Variants in RGS6 observed in about 807,000 individuals in gnomAD.
The protein encoded by RGS6 is regulator of G protein signaling 6, also known as regulator of G-protein signaling 6.
In RGS6, 30 loss-of-function variants were observed where a neutral mutation model predicts 78.5. That is an observed-to-expected ratio of 0.38 (90% CI 0.29 to 0.52). The LOEUF is 0.52. RGS6 is among the 20% of genes least tolerant of loss of function. The pLI, the probability that RGS6 is intolerant of heterozygous loss-of-function variation, is 0.85. For missense variants in RGS6, 495 were observed against 609.7 expected (o/e 0.81, Z 1.98); for synonymous variants, 206 against 206.0 (o/e 1.00, Z 0.00).
chr14:72,510,459 A>G (rs1184028040), intron 14 of RGS6, among the ~76,000 whole-genome samples, 180 bp downstream of exon 14: 2 of 152,250 alleles, frequency 1.3e-5, no homozygotes, highest in Non-Finnish European at 2.9e-5. Context: ...TGTCACCACC[A>G]TAATAGCACC....
chr14:72,519,939 AT>A (rs2097010901), intron 15 of RGS6, among the ~76,000 whole-genome samples: 1 of 152,174 alleles, frequency 6.6e-6, no homozygotes, highest in African/African-American at 2.4e-5. Flanking sequence ...GGAGGGATTT[AT>A]TTTAATTTTT....
the RGS6 span, among the ~76,000 whole-genome samples, chr14:71,881,453 T>C: frequency 6.6e-6 from 1 of 152,146 alleles, no homozygotes; most frequent in Non-Finnish European, 1.5e-5. Flanking sequence ...TTACCACATG[T>C]TGTGGGAGGG....
intron 1 of RGS6, among the ~76,000 whole-genome samples, chr14:71,964,158 G>C (rs2093376363): frequency 6.6e-6 from 1 of 152,072 alleles, no homozygotes; most frequent in African/African-American, 2.4e-5. Flanking sequence ...ATGAGCTTTG[G>C]CAAGGTGAAC....
At chr14:72,130,645 AG>A (rs1387289541) in intron 2 of RGS6, among the ~76,000 whole-genome samples, 1 of 152,208 alleles carries the variant, frequency 6.6e-6, no homozygotes, top group African/African-American at 2.4e-5. Context: ...GTTCTATCAC[AG>A]GGTTGATGAC....
the RGS6 span, among the ~76,000 whole-genome samples, chr14:72,581,381 C>T: frequency 1.3e-5 from 2 of 152,118 alleles, no homozygotes; most frequent in African/African-American, 2.4e-5. Flanking sequence ...AACTACATTC[C>T]TTCTTCCCCA....
intron 3 of RGS6, among the ~76,000 whole-genome samples, chr14:72,415,825 A>T (rs1306310398): frequency 6.6e-6 from 1 of 152,160 alleles, no homozygotes; most frequent in South Asian, 2.1e-4. Context: ...CATTCATTTG[A>T]TTGTACACTT....
At chr14:72,243,413 T>C (rs1390060758) in intron 2 of RGS6, among the ~76,000 whole-genome samples, 1 of 151,946 alleles carries the variant, frequency 6.6e-6, no homozygotes, top group East Asian at 1.9e-4. Flanking sequence ...TAATACAGTG[T>C]GAGAGACATA....
intron 2 of RGS6, among the ~76,000 whole-genome samples, chr14:72,336,399 A>G (rs539533971): frequency 6.6e-5 from 10 of 152,226 alleles, no homozygotes; most frequent in African/African-American, 1.9e-4. Flanking sequence ...CTAAGCTTTG[A>G]AGTACTATAT....
intron 2 of RGS6, among the ~76,000 whole-genome samples, chr14:72,077,852 G>A (rs2094642565): frequency 1.3e-5 from 2 of 152,168 alleles, no homozygotes; most frequent in African/African-American, 4.8e-5. Context: ...ATTCATGGGA[G>A]AATTTGAAGT....
the RGS6 span, among the ~76,000 whole-genome samples, chr14:71,871,074 A>C: frequency 7.9e-5 from 12 of 152,162 alleles, no homozygotes; most frequent in Admixed American, 7.9e-4. Context: ...GACTTGTGGC[A>C]CAGAATGGAA....
intron 2 of RGS6, among the ~76,000 whole-genome samples, chr14:72,236,236 A>G (rs935374525): frequency 6.6e-6 from 1 of 152,226 alleles, no homozygotes; most frequent in African/African-American, 2.4e-5. Context: ...ACATTTTACA[A>G]TTAATGTTTT....
At chr14:72,626,277 C>A in the RGS6 span, among the ~76,000 whole-genome samples, 1 of 152,112 alleles carries the variant, frequency 6.6e-6, no homozygotes, top group Non-Finnish European at 1.5e-5. Flanking sequence ...ATCCCATTTT[C>A]ATTTTCCCAT....
intron 3 of RGS6, among the ~76,000 whole-genome samples, chr14:72,352,884 A>G (rs1364654122): frequency 1.3e-5 from 2 of 152,192 alleles, no homozygotes; most frequent in Admixed American, 6.5e-5. Context: ...CTACCTAGGT[A>G]TGTATCTTTT....
the RGS6 span, among the ~76,000 whole-genome samples, chr14:71,875,886 C>T: frequency 6.6e-6 from 1 of 152,098 alleles, no homozygotes; most frequent in Admixed American, 6.6e-5. Flanking sequence ...TTATTTCTGC[C>T]TTCATCTCAT....
intron 2 of RGS6, among the ~76,000 whole-genome samples, chr14:72,228,267 G>C (rs2048625335): frequency 6.6e-6 from 1 of 152,146 alleles, no homozygotes; most frequent in Admixed American, 6.5e-5. Flanking sequence ...TGTAGTCCTA[G>C]CTACTTGGGA....
chr14:72,351,038 T>C (rs77860969), intron 2 of RGS6, among the ~76,000 whole-genome samples: 3,546 of 152,286 alleles, frequency 0.023, 63 homozygotes, highest in African/African-American at 0.053. Flanking sequence ...AAATCACTTA[T>C]CATCAAGTTG....
chr14:72,501,380 A>G (rs1298008549), intron 13 of RGS6, among the ~76,000 whole-genome samples: 1 of 143,156 alleles, frequency 7.0e-6, no homozygotes, highest in East Asian at 2.0e-4. Flanking sequence ...CAAGGATAAG[A>G]AAGTTATATT....
At chr14:72,612,732 T>G in the RGS6 span, 2 of 417,158 alleles carry the variant, frequency 4.8e-6, no homozygotes, top group Non-Finnish European at 4.8e-6. Context: ...TTGAGACTTT[T>G]GAAGTACCCA....
intron 2 of RGS6, among the ~76,000 whole-genome samples, chr14:72,095,790 G>A (rs1179729463): frequency 2.0e-5 from 3 of 152,130 alleles, no homozygotes; most frequent in Admixed American, 6.5e-5. Flanking sequence ...GTGGAAAACC[G>A]TATTTCAATG....
Sources: allele counts gnomAD v4.1 joint callset (sites outside exome capture counted in the v4.1 genomes callset), GRCh38; gene constraint gnomAD v4.1.1; transcripts MANE v1.5; gene names NCBI Gene and HGNC (gene_info 2026-07-23, HGNC 2026-07-21).